Variants in COP1 observed in about 807,000 individuals in gnomAD.
The protein encoded by COP1 is E3 ubiquitin-protein ligase COP1.
In COP1, 24 loss-of-function variants were observed where a neutral mutation model predicts 101.3. That is an observed-to-expected ratio of 0.24 (90% confidence interval 0.17 to 0.33). The LOEUF (loss-of-function observed/expected upper bound fraction) is 0.33. Among genes scored for constraint, COP1 ranks in the 10% least tolerant of loss-of-function variants. The pLI is 1.00. For missense variants in COP1, 663 were observed against 906.2 expected, an observed-to-expected ratio of 0.73 and a Z score of 3.45; for synonymous variants, 347 against 341.9, an observed-to-expected ratio of 1.01 and a Z score of -0.17.
chr1:176,184,655 T>C lies in COP1; in HGVS notation c.445A>G (p.Thr149Ala). The change falls in exon 2 of 20, where the codon ACA becomes GCA. Residue 149 changes from threonine to alanine, a missense_variant. By Grantham distance (58) the Thr-to-Ala change is moderately conservative. Transcript: ENST00000367669. ...TACCAAAAGCTGTGGCCACATTTTG[T>C]CATGTATGCTTCTTCAATCATATCA... ...CFDMIEEAYM[T>A]KCGHSFCYKC... The C allele has an allele frequency of 6.2e-7, 1 of 1,608,650 alleles. No individual in the cohort carries two copies. The highest frequency in any genetic ancestry group is 1.7e-5 in the Admixed American group (1 of 59,652).
chr1:176,135,944 A>C (rs1689720662), intron 7 of COP1, among the ~76,000 whole-genome samples: 1 of 151,908 alleles, frequency 6.6e-6, no homozygotes, highest in Admixed American at 6.6e-5. Context: ...ATTACAATAC[A>C]TATAAATAAC....
chr1:175,960,737 A>C (rs1176266731), intron 18 of COP1, among the ~76,000 whole-genome samples: 1 of 152,226 alleles, frequency 6.6e-6, no homozygotes, highest in African/African-American at 2.4e-5. Context: ...TAGCCATTAG[A>C]AACTGGCTTT....
intron 15 of COP1, among the ~76,000 whole-genome samples, chr1:176,004,194 T>C (rs1030018260): frequency 6.6e-5 from 10 of 150,998 alleles, no homozygotes; most frequent in Admixed American, 1.3e-4. Context: ...TTTTTGTACA[T>C]TGATTTTGTA....
chr1:176,148,241 A>G (rs1426851556), intron 6 of COP1, among the ~76,000 whole-genome samples: 1 of 152,156 alleles, frequency 6.6e-6, no homozygotes, highest in Non-Finnish European at 1.5e-5. Flanking sequence ...TCATCCAGTA[A>G]AACATCTCTT....
chr1:176,180,517 A>G (rs1442403980), intron 2 of COP1, among the ~76,000 whole-genome samples: 1 of 152,158 alleles, frequency 6.6e-6, no homozygotes, highest in African/African-American at 2.4e-5. Flanking sequence ...TTTTCAAGCT[A>G]CTCACACTGC....
At chr1:176,204,000 G>A (rs114307516) in intron 1 of COP1, among the ~76,000 whole-genome samples, 9 of 152,246 alleles carry the variant, frequency 5.9e-5, no homozygotes, top group Non-Finnish European at 1.2e-4. Flanking sequence ...AGTGGTGAGG[G>A]ATAAAACATT....
chr1:176,167,932 T>G (rs1249349042), intron 3 of COP1, among the ~76,000 whole-genome samples: 1 of 151,560 alleles, frequency 6.6e-6, no homozygotes, highest in Non-Finnish European at 1.5e-5. Flanking sequence ...TGACTGACAG[T>G]AGTAAGGACT....
intron 6 of COP1, among the ~76,000 whole-genome samples, chr1:176,146,347 C>T (rs1269020857): frequency 6.6e-6 from 1 of 152,104 alleles, no homozygotes; most frequent in Non-Finnish European, 1.5e-5. Flanking sequence ...CAAAGATCCC[C>T]GCCTCTTAGT....
chr1:176,099,457 A>G (rs1212675733), intron 9 of COP1, among the ~76,000 whole-genome samples: 2 of 151,820 alleles, frequency 1.3e-5, no homozygotes, highest in Non-Finnish European at 2.9e-5. Context: ...TACAGTCTTT[A>G]ATAAATGAGT....
At chr1:176,111,982 C>T (rs1454595190) in intron 9 of COP1, among the ~76,000 whole-genome samples, 1 of 152,178 alleles carries the variant, frequency 6.6e-6, no homozygotes, top group African/African-American at 2.4e-5. Context: ...GTTATTTAAT[C>T]CTTAAGCACA....
In COP1 at chr1:176,043,346, A is replaced by T. The variant is rs7514933; in HGVS notation, c.1531-79T>A. 2.8e-4 allele frequency: 235 copies of T among 829,320 alleles called. No homozygotes were observed. The African/African-American group carries it at 3.6e-3, about 13-fold the overall frequency. The allele number at this position is 829,320 out of a possible 1,614,324, so 51.4% of individuals were successfully genotyped here. A position where few individuals can be genotyped will look rare whatever the true frequency, so the allele number is the denominator to read the frequency against. ...ATAAAGCAAGAAAAAAAAAAACCTG[A>T]TATCAATTTATTGTTACGGGGAGAG... On this transcript the variant is annotated intron_variant, in intron 13 of 19. Transcript: ENST00000367669.
chr1:176,093,488 T>G (rs1257073740), intron 9 of COP1, among the ~76,000 whole-genome samples: 21 of 151,300 alleles, frequency 1.4e-4, no homozygotes, highest in Admixed American at 1.4e-3. Context: ...GTGGGCGGAT[T>G]ACAAGGTCAA....
At chr1:176,066,684 G>C (rs1277073541) in intron 11 of COP1, among the ~76,000 whole-genome samples, 1 of 152,102 alleles carries the variant, frequency 6.6e-6, no homozygotes, top group Non-Finnish European at 1.5e-5. Context: ...CAATCACCAA[G>C]ATGAAATATC....
At chr1:176,013,214 G>A (rs1664997115) in intron 15 of COP1, among the ~76,000 whole-genome samples, 2 of 151,912 alleles carry the variant, frequency 1.3e-5, no homozygotes, top group African/African-American at 4.8e-5. Context: ...TTGATCCAAG[G>A]TTGGCTAAAT....
At chr1:176,024,807 A>C (rs540516866) in intron 15 of COP1, among the ~76,000 whole-genome samples, 59 of 152,330 alleles carry the variant, frequency 3.9e-4, no homozygotes, top group Admixed American at 9.2e-4. Context: ...CAATCAAAAA[A>C]TAAAATTTAA....
At chr1:176,159,586 T>C (rs1014707821) in intron 5 of COP1, among the ~76,000 whole-genome samples, 5 of 152,144 alleles carry the variant, frequency 3.3e-5, no homozygotes, top group Non-Finnish European at 5.9e-5. Context: ...AATAGAATAA[T>C]AGATATATTT....
At chr1:176,041,394 C>G (rs918076437) in intron 14 of COP1, among the ~76,000 whole-genome samples, 3 of 147,258 alleles carry the variant, frequency 2.0e-5, no homozygotes, top group Non-Finnish European at 4.5e-5. Flanking sequence ...GTCATCCAGG[C>G]TGTAGTGCAA....
At chr1:176,061,026 A>G (rs1334975723) in intron 11 of COP1, among the ~76,000 whole-genome samples, 1 of 152,242 alleles carries the variant, frequency 6.6e-6, no homozygotes, top group Non-Finnish European at 1.5e-5. Context: ...AGAGTAACAA[A>G]GACGGAGAAC....
chr1:175,990,533 C>A lies in COP1; in HGVS notation c.1730-1054G>T, dbSNP rs528644063. 9.2e-5 allele frequency among the ~76,000 whole-genome samples: 14 copies of A among 152,236 alleles called. No homozygotes were observed. In the South Asian group the frequency reaches 1.2e-3, roughly 14 times the overall value. Reference sequence around the variant, plus strand: ...AATGTTATTCAAGTCTTCTAAAACTCTGCCAATTTTCTGTCCAGTTTTTCT... The same window carrying A: ...AATGTTATTCAAGTCTTCTAAAACTATGCCAATTTTCTGTCCAGTTTTTCT... On this transcript the variant is annotated intron_variant, in intron 15 of 19. Coordinates refer to ENST00000367669, the MANE Select transcript of COP1 (RefSeq NM_022457.7).
Sources: gnomAD v4.1 joint callset for allele counts (sites outside exome capture counted in the v4.1 genomes callset) on GRCh38, gnomAD v4.1.1 for gene constraint, MANE v1.5 for transcripts, NCBI Gene and HGNC (gene_info 2026-07-23, HGNC 2026-07-21) for gene names.